Variants in CPNE5 observed in about 807,000 individuals in gnomAD.
CPNE5 encodes copine-5.
In CPNE5, 42 loss-of-function variants were observed where a neutral mutation model predicts 81.1. The observed-to-expected ratio is 0.52, with a 90% confidence interval of 0.40 to 0.67. CPNE5 has a LOEUF of 0.67. Among genes scored for constraint, CPNE5 ranks in the 30% least tolerant of loss-of-function variants. The pLI is 0.00. For synonymous variants in CPNE5, 313 were observed against 321.5 expected (o/e 0.97, Z 0.28); for missense variants, 612 against 815.5 (o/e 0.75, Z 3.04).
At chr6:36,827,480 T>C in intron 1 of CPNE5, 1 of 985,374 alleles carries the variant, frequency 1.0e-6, no homozygotes, top group South Asian at 4.7e-5. Context: ...GCCATGTTTA[T>C]CCAAGTGGCC....
intron 8 of CPNE5, among the ~76,000 whole-genome samples, chr6:36,788,946 C>G (rs182007780): frequency 1.3e-5 from 2 of 152,192 alleles, no homozygotes; most frequent in South Asian, 2.1e-4. Flanking sequence ...TTGTCTACTT[C>G]GGCAAAATGT....
chr6:36,782,816 AACAC>A (rs3997726), intron 8 of CPNE5, among the ~76,000 whole-genome samples: 15,565 of 126,062 alleles, frequency 0.12, 918 homozygotes, highest in East Asian at 0.14. Flanking sequence ...CAAAAACCAA[AACAC>A]ACACACACAC....
chr6:36,788,942 A>G (rs1284262399), intron 8 of CPNE5, among the ~76,000 whole-genome samples: 4 of 152,150 alleles, frequency 2.6e-5, no homozygotes, highest in East Asian at 3.9e-4. Flanking sequence ...GGGTTTGTCT[A>G]CTTCGGCAAA....
chr6:36,834,859 C>G (rs1382550476), intron 1 of CPNE5, among the ~76,000 whole-genome samples: 1 of 152,036 alleles, frequency 6.6e-6, no homozygotes, highest in Non-Finnish European at 1.5e-5. Flanking sequence ...CTCCCCCAGG[C>G]TCCTCCCTCC....
At chr6:36,779,802 G>A (rs1439607295) in intron 8 of CPNE5, among the ~76,000 whole-genome samples, 1 of 152,180 alleles carries the variant, frequency 6.6e-6, no homozygotes. Flanking sequence ...GGGCAGAGAT[G>A]TCCCTGTTGT....
intron 8 of CPNE5, among the ~76,000 whole-genome samples, chr6:36,784,944 GA>G (rs1214142505): frequency 1.0e-5 from 1 of 98,950 alleles, no homozygotes; most frequent in African/African-American, 4.9e-5. Context: ...CAAAGAGAGA[GA>G]GAGGAAAAAA....
intron 10 of CPNE5, 47 bp from the exon 11 acceptor site, chr6:36,765,423 C>CGTGT: frequency 6.2e-7 from 1 of 1,610,676 alleles, no homozygotes; most frequent in Non-Finnish European, 8.5e-7. Context: ...CCCACACCCA[C>CGTGT]GTGGCTGAGG....
At chr6:36,827,266 G>A (rs542582079) in intron 1 of CPNE5, 12 of 944,908 alleles carry the variant, frequency 1.3e-5, no homozygotes, top group African/African-American at 1.2e-4. Context: ...ACTTGCCTCC[G>A]TCCATCCCTC....
At chr6:36,744,730 G>A (rs1763937744) in intron 18 of CPNE5, among the ~76,000 whole-genome samples, 1 of 152,212 alleles carries the variant, frequency 6.6e-6, no homozygotes, top group African/African-American at 2.4e-5. Context: ...GGGTTAATGA[G>A]GGAGTCATTG....
At chr6:36,777,407 C>T (rs1767608300) in intron 9 of CPNE5, among the ~76,000 whole-genome samples, 1 of 152,048 alleles carries the variant, frequency 6.6e-6, no homozygotes. Context: ...CTTTCCCAAG[C>T]ACCCTTTGCA....
intron 11 of CPNE5, among the ~76,000 whole-genome samples, chr6:36,763,950 G>T (rs912956782): frequency 6.6e-6 from 1 of 152,100 alleles, no homozygotes. Context: ...ACTTGTACAT[G>T]GCAGAACTCC....
intron 8 of CPNE5, among the ~76,000 whole-genome samples, chr6:36,787,865 G>A (rs1304034765): frequency 1.3e-5 from 2 of 152,080 alleles, no homozygotes; most frequent in African/African-American, 4.8e-5. Flanking sequence ...TCAGGTGGAA[G>A]GACCTGACTA....
chr6:36,765,502 G>A, intron 10 of CPNE5, 126 bp from the exon 11 acceptor site: 3 of 1,084,808 alleles, frequency 2.8e-6, no homozygotes, highest in Non-Finnish European at 4.0e-6. Context: ...CAGGGCCCTG[G>A]GTGGGGAGGC....
At position 36,769,427 on chromosome 6, in the gene CPNE5, C is replaced by T. The variant is rs530120044; in HGVS notation, c.738-4051G>A. Among the ~76,000 whole-genome samples the T allele has an allele frequency of 2.0e-5, 3 of 152,356 alleles. No individual in the cohort carries two copies. The South Asian group carries it at 6.2e-4, about 32-fold the overall frequency. On this transcript the variant is annotated intron_variant, in intron 10 of 20. Transcript: ENST00000244751. ...GGATGAGAGACACCAGCCAAAACGC[C>T]AGGCTGCCCCCACGGCATACCAACT...
At chr6:36,814,218 G>A (rs1401660385) in intron 3 of CPNE5, among the ~76,000 whole-genome samples, 1 of 152,182 alleles carries the variant, frequency 6.6e-6, no homozygotes, top group African/African-American at 2.4e-5. Context: ...TCTGGGAAAA[G>A]ATCTCTAGTG....
intron 1 of CPNE5, among the ~76,000 whole-genome samples, chr6:36,826,013 G>A (rs1011257891): frequency 3.3e-5 from 5 of 152,144 alleles, no homozygotes; most frequent in African/African-American, 9.7e-5. Context: ...TGTGAGACTC[G>A]GAAGGACAAC....
At chr6:36,826,339 C>A (rs1428118450) in intron 1 of CPNE5, among the ~76,000 whole-genome samples, 1 of 152,144 alleles carries the variant, frequency 6.6e-6, no homozygotes. Flanking sequence ...AATCCTGGGA[C>A]AAGGGTCACC....
At chr6:36,814,461 T>C (rs896008372) in intron 3 of CPNE5, among the ~76,000 whole-genome samples, 1 of 152,066 alleles carries the variant, frequency 6.6e-6, no homozygotes, top group African/African-American at 2.4e-5. Flanking sequence ...GGTAGGGAAA[T>C]TGGCAAAGCT....
rs1214735079 is a variant in CPNE5 at position 36,746,663 on chromosome 6, C to A, written c.1019-86G>T. ...GAATGAAGAAGGGGGTGTCCAAGGG[C>A]ACCCCTAACTTTTATTAATTCTTGA... On this transcript the variant is annotated intron_variant, in intron 15 of 20. Coordinates refer to ENST00000244751, the MANE Select transcript of CPNE5 (RefSeq NM_020939.2). The surrounding 1 kb of genome is among the most constrained non-coding windows in gnomAD (Gnocchi z 4.5). 2 of 1,234,766 alleles carry A rather than the reference C, an allele frequency of 1.6e-6. No individual in the cohort carries two copies. Among genetic ancestry groups the A allele is most frequent in the Non-Finnish European group, 1.1e-6 (1 of 879,014 alleles). The allele number at this position is 1,234,766 out of a possible 1,614,324, so 76.5% of individuals were successfully genotyped here.
Sources: gnomAD v4.1 joint callset for allele counts (sites outside exome capture counted in the v4.1 genomes callset) on GRCh38, gnomAD v4.1.1 for gene constraint, Gnocchi (gnomAD v3.1) non-coding constraint, MANE v1.5 for transcripts, NCBI Gene and HGNC (gene_info 2026-07-23, HGNC 2026-07-21) for gene names.